Variants in TBC1D22A observed in about 807,000 individuals in gnomAD.
The protein encoded by TBC1D22A is TBC1 domain family member 22A, also known as putative GTPase activator.
A neutral mutation model predicts 60.2 loss-of-function variants in TBC1D22A; 38 were observed. The ratio of observed to expected loss-of-function variants is 0.63; its 90% CI spans 0.49 to 0.83. TBC1D22A has a LOEUF of 0.83. TBC1D22A is among the 40% of genes least tolerant of loss of function. The pLI, the probability that TBC1D22A is intolerant of heterozygous loss-of-function variation, is 0.00. For missense variants in TBC1D22A, 628 were observed against 701.0 expected (o/e 0.90, Z 1.18); for synonymous variants, 302 against 281.7 (o/e 1.07, Z -0.72).
chr22:46,812,191 G>A (rs2085405248), intron 4 of TBC1D22A, among the ~76,000 whole-genome samples: 1 of 152,142 alleles, frequency 6.6e-6, no homozygotes, highest in Non-Finnish European at 1.5e-5. Flanking sequence ...TCAGCAGCAG[G>A]TGAATTAGCT....
chr22:46,807,923 T>C (rs1035374173), intron 4 of TBC1D22A, among the ~76,000 whole-genome samples: 1 of 152,122 alleles, frequency 6.6e-6, no homozygotes, highest in African/African-American at 2.4e-5. Context: ...GCTATGATCA[T>C]GCCACTGCAC....
At chr22:46,898,246 A>G (rs557616185) in intron 7 of TBC1D22A, among the ~76,000 whole-genome samples, 32 of 152,254 alleles carry the variant, frequency 2.1e-4, no homozygotes, top group Admixed American at 4.6e-4. Context: ...GCAATTGGCA[A>G]TTGGTCCTCT....
At chr22:47,030,238 C>CG (rs1569358182) in intron 10 of TBC1D22A, among the ~76,000 whole-genome samples, 4 of 152,220 alleles carry the variant, frequency 2.6e-5, no homozygotes, top group East Asian at 1.9e-4. Context: ...CGGCTTTGTG[C>CG]GGGGGGTTGA....
intron 11 of TBC1D22A, among the ~76,000 whole-genome samples, chr22:47,063,882 G>T (rs2063668991): frequency 6.6e-6 from 1 of 152,142 alleles, no homozygotes; most frequent in African/African-American, 2.4e-5. Flanking sequence ...CCATTGTGTG[G>T]CTGTGTCCAC....
At chr22:46,891,219 A>G (rs1349138851) in intron 5 of TBC1D22A, 47 bp from the exon 6 acceptor site, 2 of 1,547,128 alleles carry the variant, frequency 1.3e-6, no homozygotes, top group Admixed American at 2.1e-5. Flanking sequence ...TAGGGACTCC[A>G]TGAATTAGCT....
intron 8 of TBC1D22A, among the ~76,000 whole-genome samples, chr22:46,924,160 G>A (rs1167975274): frequency 1.3e-5 from 2 of 152,166 alleles, no homozygotes; most frequent in Admixed American, 6.5e-5. Context: ...TGATGCCTCC[G>A]TGCTATTTAA....
intron 10 of TBC1D22A, among the ~76,000 whole-genome samples, chr22:47,033,854 C>G (rs570371439): frequency 5.3e-5 from 8 of 152,150 alleles, no homozygotes; most frequent in African/African-American, 1.9e-4. Flanking sequence ...CGGTGAAGGC[C>G]GAGGAGGGAG....
At chr22:47,098,094 T>C (rs1352910198) in intron 11 of TBC1D22A, among the ~76,000 whole-genome samples, 2 of 151,966 alleles carry the variant, frequency 1.3e-5, no homozygotes, top group Non-Finnish European at 2.9e-5. Context: ...AAAATCAGGA[T>C]TGGGAGATTT....
At chr22:46,779,506 G>A (rs2083848145) in intron 1 of TBC1D22A, among the ~76,000 whole-genome samples, 1 of 152,086 alleles carries the variant, frequency 6.6e-6, no homozygotes, top group African/African-American at 2.4e-5. Context: ...TGATCTGCCC[G>A]CCTCGGCCTC....
chr22:46,952,283 G>A (rs1202581838), intron 8 of TBC1D22A, among the ~76,000 whole-genome samples: 1 of 152,104 alleles, frequency 6.6e-6, no homozygotes, highest in Non-Finnish European at 1.5e-5. Flanking sequence ...CATCATTTTC[G>A]GCTTCTGTGT....
At chr22:46,884,332 G>A (rs2068002038) in intron 5 of TBC1D22A, among the ~76,000 whole-genome samples, 1 of 152,208 alleles carries the variant, frequency 6.6e-6, no homozygotes, top group African/African-American at 2.4e-5. Context: ...CTAAGCAGGT[G>A]CCTGGGGGTG....
intron 3 of TBC1D22A, 55 bp downstream of exon 3, chr22:46,793,896 G>A (rs980679650): frequency 6.9e-6 from 10 of 1,451,176 alleles, no homozygotes; most frequent in Non-Finnish European, 9.2e-6. Context: ...CTAAGAAAGT[G>A]GCCAGAACAC....
At position 46,990,878 on chromosome 22, in the gene TBC1D22A, C is replaced by G. The variant is rs558236445; in HGVS notation, c.1126-6756C>G. Among the ~76,000 whole-genome samples, 1 of 152,208 alleles carries G rather than the reference C, an allele frequency of 6.6e-6. No individual in the cohort carries two copies. Among genetic ancestry groups the G allele is most frequent in the South Asian group, 2.1e-4 (1 of 4,828 alleles). On this transcript the variant is annotated intron_variant, in intron 9 of 12. Coordinates refer to ENST00000337137, the MANE Select transcript of TBC1D22A (RefSeq NM_014346.5). This position sits in a 1 kb window ranked among gnomAD's most constrained non-coding sequence, Gnocchi z 4.6. Reference sequence around the variant, plus strand: ...GGAAGTGACCATGGATGGCCTCCTCCTGCTGGTGTGCCGCTTTACTCTGCT... The same window carrying G: ...GGAAGTGACCATGGATGGCCTCCTCGTGCTGGTGTGCCGCTTTACTCTGCT...
At chr22:47,137,950 A>G (rs538212679) in intron 12 of TBC1D22A, among the ~76,000 whole-genome samples, 1 of 152,246 alleles carries the variant, frequency 6.6e-6, no homozygotes, top group East Asian at 1.9e-4. Context: ...TTCAGGGCTC[A>G]GCATCTCCAT....
At chr22:47,065,963 A>T (rs937199636) in intron 11 of TBC1D22A, among the ~76,000 whole-genome samples, 4 of 152,178 alleles carry the variant, frequency 2.6e-5, no homozygotes, top group Admixed American at 1.3e-4. Context: ...ACAACTGGAC[A>T]TGTAGATCCA....
At chr22:47,112,012 G>A (rs749073933) in intron 12 of TBC1D22A, among the ~76,000 whole-genome samples, 3 of 152,228 alleles carry the variant, frequency 2.0e-5, no homozygotes, top group African/African-American at 7.2e-5. Context: ...GTGCCTTCCA[G>A]CCAGGCCACT....
chr22:47,147,463 G>T (rs1293112667), intron 12 of TBC1D22A, among the ~76,000 whole-genome samples: 1 of 152,176 alleles, frequency 6.6e-6, no homozygotes, highest in African/African-American at 2.4e-5. Context: ...CTGTCGGAGG[G>T]CTCCCCAGGG....
At chr22:47,010,845 A>G (rs1411194210) in intron 10 of TBC1D22A, among the ~76,000 whole-genome samples, 2 of 152,224 alleles carry the variant, frequency 1.3e-5, no homozygotes, top group African/African-American at 4.8e-5. Context: ...ACAACAAATC[A>G]AAGAAATAGA....
intron 4 of TBC1D22A, among the ~76,000 whole-genome samples, chr22:46,876,068 T>C (rs926339846): frequency 1.3e-5 from 2 of 152,154 alleles, no homozygotes; most frequent in African/African-American, 4.8e-5. Flanking sequence ...CTGCATGGAA[T>C]TTGACAAATC....
Sources: allele counts gnomAD v4.1 joint callset (sites outside exome capture counted in the v4.1 genomes callset), GRCh38; gene constraint gnomAD v4.1.1; non-coding constraint Gnocchi (gnomAD v3.1); transcripts MANE v1.5; gene names NCBI Gene and HGNC (gene_info 2026-07-23, HGNC 2026-07-21).